The following STARD9 variants were observed in gnomAD, a reference collection of about 807,000 sequenced individuals.
STARD9 encodes stAR-related lipid transfer protein 9.
Under a neutral mutation model 399.8 loss-of-function variants are expected in STARD9, and 346 were observed. The ratio of observed to expected loss-of-function variants is 0.87; its 90% CI spans 0.79 to 0.95. STARD9 has a LOEUF of 0.95. Among genes scored for constraint, STARD9 ranks in the 40% least tolerant of loss-of-function variants. The pLI is 0.00. For missense variants in STARD9, 5,832 were observed against 5,667.5 expected (o/e 1.03, Z -0.93); for synonymous variants, 2,203 against 2,143.5 (o/e 1.03, Z -0.77).
intron 20 of STARD9, among the ~76,000 whole-genome samples, chr15:42,678,835 A>AG (rs1171274828): frequency 1.3e-5 from 2 of 152,236 alleles, no homozygotes; most frequent in Non-Finnish European, 2.9e-5. Flanking sequence ...ATGTAGTATA[A>AG]GGTTGCTATT....
rs1199244415 is a variant in STARD9, at chr15:42,651,145, A to G, written c.629+60A>G. ...CCTCACACTCCTATCCTGTGTTCCC[A>G]TTTCCCTTTGGGGAGTGTATAATGA... On this transcript the variant is annotated intron_variant, in intron 8 of 32. Coordinates refer to ENST00000290607, the MANE Select transcript of STARD9 (RefSeq NM_020759.3). The G allele has an allele frequency of 6.3e-6, 8 of 1,272,936 alleles. No homozygotes were observed. In the African/African-American group the frequency reaches 1.0e-4, roughly 17 times the overall value. The allele number at this position is 1,272,936 out of a possible 1,614,324, so 78.9% of individuals were successfully genotyped here.
intron 9 of STARD9, among the ~76,000 whole-genome samples, chr15:42,656,624 A>G (rs1358320098): frequency 6.6e-6 from 1 of 152,220 alleles, no homozygotes; most frequent in Non-Finnish European, 1.5e-5. Context: ...GTGTATGTAT[A>G]CTGTGGAATA....
chr15:42,700,643 A>G (rs916097060), intron 26 of STARD9, among the ~76,000 whole-genome samples: 1 of 152,128 alleles, frequency 6.6e-6, no homozygotes, highest in East Asian at 1.9e-4. Flanking sequence ...ATTTTTTGCT[A>G]TTATTTGAAT....
intron 15 of STARD9, among the ~76,000 whole-genome samples, chr15:42,667,168 T>C (rs1328642905): frequency 1.0e-4 from 15 of 150,198 alleles, no homozygotes; most frequent in Non-Finnish European, 1.3e-4. Flanking sequence ...GTTGACGGAT[T>C]AGATTTATTT....
At chr15:42,717,391 G>A (rs1179244068) in intron 28 of STARD9, among the ~76,000 whole-genome samples, 1 of 151,974 alleles carries the variant, frequency 6.6e-6, no homozygotes, top group Non-Finnish European at 1.5e-5. Context: ...GGGAGGCTGA[G>A]GTGGGAAGAT....
Position 42,716,930 on chromosome 15 carries a change from A to G in STARD9, c.13376A>G (p.His4459Arg), listed in dbSNP as rs1412393506. 18 of 1,537,086 alleles carry G rather than the reference A, an allele frequency of 1.2e-5. No individual in the cohort carries two copies. The highest frequency in any genetic ancestry group is 9.8e-5 in the East Asian group (4 of 40,922). ...SAVRKNSAYSHRASLGSCCCS... is the reference protein window; with the variant it reads ...SAVRKNSAYSRRASLGSCCCS... ...GGCCTCCACCTATTTCTTGTAGGCCACAGAGCCTCCCTGGGCAGTTGCTGC... is the reference window on the plus strand; with the variant it reads ...GGCCTCCACCTATTTCTTGTAGGCCGCAGAGCCTCCCTGGGCAGTTGCTGC... Residue 4459 changes from histidine to arginine, a missense_variant, in exon 28 of 33, where the codon CAC becomes CGC. By Grantham distance (29) the His-to-Arg change is conservative (BLOSUM62 0). This residue lies in a region of STARD9 where 5,828 missense variants were observed against 5,651.1 expected (regional missense o/e 1.03). Transcript: ENST00000290607.
intron 3 of STARD9, among the ~76,000 whole-genome samples, chr15:42,623,901 A>G (rs2059142908): frequency 6.6e-6 from 1 of 152,262 alleles, no homozygotes; most frequent in Admixed American, 6.5e-5. Context: ...CAGGGATAGT[A>G]TCTGGTCCAC....
intron 3 of STARD9, among the ~76,000 whole-genome samples, chr15:42,590,366 G>A (rs1262187827): frequency 2.0e-5 from 3 of 152,044 alleles, no homozygotes; most frequent in African/African-American, 7.2e-5. Flanking sequence ...TTCATCCCTA[G>A]GTTTCTTCTT....
At chr15:42,655,287 C>A (rs1163361200) in intron 9 of STARD9, among the ~76,000 whole-genome samples, 2 of 152,188 alleles carry the variant, frequency 1.3e-5, no homozygotes, top group Admixed American at 1.3e-4. Context: ...GTCTCAAAAA[C>A]AACAACAAAA....
chr15:42,613,686 T>C (rs2058899391), intron 3 of STARD9, among the ~76,000 whole-genome samples: 1 of 152,178 alleles, frequency 6.6e-6, no homozygotes, highest in Admixed American at 6.5e-5. Context: ...ATTTATCGGC[T>C]GGGCGAGATG....
At chr15:42,711,357 TC>T (rs2061219748) in intron 26 of STARD9, among the ~76,000 whole-genome samples, 1 of 152,068 alleles carries the variant, frequency 6.6e-6, no homozygotes, top group African/African-American at 2.4e-5. Context: ...GCCAGGCTGG[TC>T]TCCAACTCCT....
At position 42,719,756 on chromosome 15, in the gene STARD9, C is replaced by T; in HGVS notation, c.*182C>T. On this transcript the variant is annotated 3_prime_UTR_variant, in exon 33 of 33. Coordinates refer to ENST00000290607, the MANE Select transcript of STARD9 (RefSeq NM_020759.3). ...TAGCAAAGCCCAGTCAGTACTTGGT[C>T]ACAGCTGGCACCAGTGCAGAGCAAA... The T allele has an allele frequency of 1.7e-6, 1 of 586,400 alleles. No individual in the cohort carries two copies. 36.3% of individuals were successfully genotyped at this position (586,400 alleles called of 1,614,324 possible). A position where few individuals can be genotyped will look rare whatever the true frequency, so the allele number is the denominator to read the frequency against.
At chr15:42,653,405 A>G (rs568716357) in intron 9 of STARD9, among the ~76,000 whole-genome samples, 3 of 152,334 alleles carry the variant, frequency 2.0e-5, no homozygotes, top group African/African-American at 7.2e-5. Flanking sequence ...AAATTTGTTG[A>G]AAATCATTTA....
intron 3 of STARD9, among the ~76,000 whole-genome samples, chr15:42,607,880 G>C (rs2058769961): frequency 6.6e-6 from 1 of 151,940 alleles, no homozygotes; most frequent in Non-Finnish European, 1.5e-5. Flanking sequence ...GATTTTTAGA[G>C]GTTTACTATG....
At chr15:42,614,746 C>T (rs1031330218) in intron 3 of STARD9, among the ~76,000 whole-genome samples, 2 of 152,108 alleles carry the variant, frequency 1.3e-5, no homozygotes, top group Non-Finnish European at 2.9e-5. Flanking sequence ...GTGGGCAGAT[C>T]ATGCCGTCAG....
intron 3 of STARD9, chr15:42,629,866 G>T (rs953888266): frequency 3.3e-5 from 5 of 151,812 alleles, no homozygotes; most frequent in Admixed American, 1.3e-4. Context: ...TTCAACAATA[G>T]TTTAAATGAT....
rs930931752 is a variant in STARD9, at chr15:42,695,790, C to G, written c.13194C>G (p.Thr4398=). Residue 4398 remains threonine (T), a synonymous_variant, in exon 26 of 33, where the codon ACC becomes ACG. Transcript: ENST00000290607. ...HTLANSSSLC[T]SSNGSLSSGM... Reference sequence around the variant, plus strand: ...TGGCCAATTCCAGCTCCCTGTGCACCAGCTCTAATGGAAGCCTCTCGTCTG... The same window carrying G: ...TGGCCAATTCCAGCTCCCTGTGCACGAGCTCTAATGGAAGCCTCTCGTCTG... 2 of 1,537,090 alleles carry G rather than the reference C, an allele frequency of 1.3e-6. No homozygotes were observed. Among genetic ancestry groups the G allele is most frequent in the African/African-American group, 2.7e-5 (2 of 73,050 alleles).
At chr15:42,663,626 G>A in intron 12 of STARD9, 136 bp downstream of exon 12, 3 of 616,718 alleles carry the variant, frequency 4.9e-6, no homozygotes, top group South Asian at 2.0e-5. Flanking sequence ...AAAGGGCCAT[G>A]GCCCCAGTGA....
chr15:42,712,111 A>ATATATAAT (rs55808206), intron 26 of STARD9, among the ~76,000 whole-genome samples: 1 of 3,184 alleles, frequency 3.1e-4, no homozygotes, highest in African/African-American at 1.9e-3. Flanking sequence ...TATAATATAT[A>ATATATAAT]ATATATAATA....
Sources: allele counts gnomAD v4.1 joint callset (sites outside exome capture counted in the v4.1 genomes callset), GRCh38; gene constraint gnomAD v4.1.1; regional missense constraint gnomAD v4.1.1; transcripts MANE v1.5; gene names NCBI Gene and HGNC (gene_info 2026-07-23, HGNC 2026-07-21).